The following MOXD1 variants were observed in gnomAD, a reference collection of about 807,000 sequenced individuals.
The protein encoded by MOXD1 is DBH-like monooxygenase protein 1.
In MOXD1, 62 loss-of-function variants were observed where a neutral mutation model predicts 66.6. The observed-to-expected ratio is 0.93, with a 90% CI of 0.76 to 1.15. The LOEUF is 1.15. Among genes scored for constraint, MOXD1 ranks in the 50% most tolerant of loss-of-function variants. The pLI is 0.00. For missense variants in MOXD1, 847 were observed against 754.6 expected (o/e 1.12, Z -1.44); for synonymous variants, 303 against 281.9 (o/e 1.07, Z -0.75).
intron 1 of MOXD1, among the ~76,000 whole-genome samples, chr6:132,398,239 T>C (rs2114702682): frequency 6.6e-6 from 1 of 152,320 alleles, no homozygotes; most frequent in East Asian, 1.9e-4. Flanking sequence ...ACATTTGGAC[T>C]TGTGACATCT....
At chr6:132,300,773 G>C (rs1056881658) in intron 10 of MOXD1, among the ~76,000 whole-genome samples, 1 of 152,208 alleles carries the variant, frequency 6.6e-6, no homozygotes, top group African/African-American at 2.4e-5. Flanking sequence ...GTTGGAGACA[G>C]AATGACTGAG....
At chr6:132,304,055 G>A (rs1020008019) in intron 10 of MOXD1, among the ~76,000 whole-genome samples, 6 of 151,312 alleles carry the variant, frequency 4.0e-5, no homozygotes, top group Admixed American at 6.6e-5. Context: ...ACCCCCAATA[G>A]GGTTTGAATG....
intron 4 of MOXD1, among the ~76,000 whole-genome samples, chr6:132,328,864 A>G (rs941853738): frequency 6.6e-6 from 1 of 152,088 alleles, no homozygotes; most frequent in African/African-American, 2.4e-5. Flanking sequence ...TTGGTTGTTA[A>G]TTCACTGTCC....
intron 1 of MOXD1, among the ~76,000 whole-genome samples, chr6:132,386,112 A>AG (rs1776629498): frequency 7.4e-6 from 1 of 134,778 alleles, no homozygotes; most frequent in Non-Finnish European, 1.5e-5. Flanking sequence ...CAAAAAAAAA[A>AG]AAAGAAAAGG....
chr6:132,340,593 T>A (rs989487954), intron 4 of MOXD1, among the ~76,000 whole-genome samples: 6 of 151,248 alleles, frequency 4.0e-5, no homozygotes, highest in African/African-American at 1.2e-4. Flanking sequence ...AACACTTTTT[T>A]AAGAGAACAA....
chr6:132,347,082 A>C (rs531884250), intron 4 of MOXD1, among the ~76,000 whole-genome samples: 2 of 152,376 alleles, frequency 1.3e-5, no homozygotes, highest in South Asian at 4.1e-4. Context: ...AGGACATTAC[A>C]CAAGTTATCA....
Position 132,401,318 on chromosome 6 carries a change from A to T in MOXD1, c.109T>A (p.Tyr37Asn), listed in dbSNP as rs1777022499. 1.3e-6 allele frequency: 2 copies of T among 1,592,670 alleles called. No homozygotes were observed. The highest frequency in any genetic ancestry group is 1.8e-4 in the Middle Eastern group (1 of 5,590). ...CCCCGCTGGCTCCAGCCCAGCCAGT[A>T]CTTGCCCTCCGAGTCCAGGAGGGTC... ...HRTLLDSEGK[Y>N]WLGWSQRGSQ... is the part of the protein sequence containing the mutation. The change falls in exon 1 of 12, where the codon TAC (tyrosine) becomes AAC (asparagine). Residue 37 changes from tyrosine to asparagine, a missense_variant. Physicochemically the swap from Tyr to Asn is moderately radical, Grantham distance 143. Transcript: ENST00000367963.
At chr6:132,353,080 G>A (rs1775835837) in intron 4 of MOXD1, among the ~76,000 whole-genome samples, 1 of 152,102 alleles carries the variant, frequency 6.6e-6, no homozygotes, top group Non-Finnish European at 1.5e-5. Flanking sequence ...TGATTGGTAA[G>A]TTCTTATCCA....
rs1246055353 is a variant in MOXD1, at chr6:132,297,079, C to T, written c.*74G>A. ...CCACACTCTTCATGCCCAAAGTGGA[C>T]ACAGTCTTTAACCTGTACTTCAAAT... On this transcript the variant is annotated 3_prime_UTR_variant, in exon 12 of 12. Coordinates refer to ENST00000367963, the MANE Select transcript of MOXD1 (RefSeq NM_015529.4). 6.8e-7 allele frequency: 1 copy of T among 1,477,612 alleles called. No homozygotes were observed. The highest frequency in any genetic ancestry group is 2.3e-5 in the East Asian group (1 of 43,816). 91.5% of individuals were successfully genotyped at this position (1,477,612 alleles called of 1,614,324 possible). A position where few individuals can be genotyped will look rare whatever the true frequency, so the allele number is the denominator to read the frequency against.
chr6:132,321,093 C>T (rs1562281236), intron 8 of MOXD1, among the ~76,000 whole-genome samples: 3 of 152,042 alleles, frequency 2.0e-5, no homozygotes, highest in African/African-American at 2.4e-5. Context: ...GGTGAAACCG[C>T]GTCTCTACTA....
intron 4 of MOXD1, among the ~76,000 whole-genome samples, chr6:132,329,112 C>T (rs1372856312): frequency 6.6e-6 from 1 of 152,082 alleles, no homozygotes; most frequent in Non-Finnish European, 1.5e-5. Flanking sequence ...TATCCCTCCC[C>T]ACTCTCCCCA....
chr6:132,343,149 A>G (rs1007593179), intron 4 of MOXD1, among the ~76,000 whole-genome samples: 2 of 152,276 alleles, frequency 1.3e-5, no homozygotes, highest in Non-Finnish European at 2.9e-5. Flanking sequence ...TAAACATTAA[A>G]TTACCAAAAT....
At chr6:132,369,258 T>C (rs111720961) in intron 4 of MOXD1, among the ~76,000 whole-genome samples, 2,204 of 152,210 alleles carry the variant, frequency 0.014, 61 homozygotes, top group African/African-American at 0.05. Context: ...TGCTTTCTAG[T>C]GCGGCACGTT....
intron 4 of MOXD1, among the ~76,000 whole-genome samples, chr6:132,342,239 A>G (rs958711053): frequency 3.3e-5 from 5 of 152,176 alleles, no homozygotes; most frequent in Non-Finnish European, 7.4e-5. Flanking sequence ...TGACCTCATG[A>G]TCTGCCTGCC....
At chr6:132,382,902 T>C (rs908541481) in intron 1 of MOXD1, among the ~76,000 whole-genome samples, 2 of 152,200 alleles carry the variant, frequency 1.3e-5, no homozygotes, top group African/African-American at 2.4e-5. Flanking sequence ...AAATTGGTTC[T>C]CACTCATTGT....
At chr6:132,302,587 G>A (rs1250096534) in intron 10 of MOXD1, among the ~76,000 whole-genome samples, 1 of 152,114 alleles carries the variant, frequency 6.6e-6, no homozygotes, top group African/African-American at 2.4e-5. Context: ...GGCATACCAT[G>A]TTCATAGATT....
At position 132,366,846 on chromosome 6, in the gene MOXD1, C is replaced by T. The variant is rs144823966; in HGVS notation, c.663+5762G>A. On this transcript the variant is annotated intron_variant, in intron 4 of 11. Coordinates refer to ENST00000367963, the MANE Select transcript of MOXD1 (RefSeq NM_015529.4). Reference sequence around the variant, plus strand: ...TGTTAGGTGCCTACTATAGGAAAATCAATTTTCGAGTGGCTATTTCATGGC... The same window carrying T: ...TGTTAGGTGCCTACTATAGGAAAATTAATTTTCGAGTGGCTATTTCATGGC... Among the ~76,000 whole-genome samples the T allele has an allele frequency of 4.5e-3, 683 of 152,124 alleles. 6 individuals carry two copies. Among genetic ancestry groups the T allele is most frequent in the African/African-American group, 0.016 (646 of 41,522 alleles).
At chr6:132,343,391 A>C (rs111337712) in intron 4 of MOXD1, among the ~76,000 whole-genome samples, 2,109 of 152,252 alleles carry the variant, frequency 0.014, 59 homozygotes, top group African/African-American at 0.048. Context: ...CCTGGCTAAC[A>C]TGGTGAAACC....
intron 4 of MOXD1, among the ~76,000 whole-genome samples, chr6:132,361,248 T>G (rs962775805): frequency 6.6e-5 from 10 of 151,830 alleles, no homozygotes; most frequent in African/African-American, 2.4e-4. Context: ...ACCCCTTCTA[T>G]CTGAATTAGT....
Sources: gnomAD v4.1 joint callset for allele counts (sites outside exome capture counted in the v4.1 genomes callset) on GRCh38, gnomAD v4.1.1 for gene constraint, MANE v1.5 for transcripts, NCBI Gene and HGNC (gene_info 2026-07-23, HGNC 2026-07-21) for gene names.